The following CSNK1G1 variants were observed in gnomAD, a reference collection of about 807,000 sequenced individuals.
CSNK1G1 encodes the protein casein kinase I isoform gamma-1.
Under a neutral mutation model 59.6 loss-of-function variants are expected in CSNK1G1, and 22 were observed. The ratio of observed to expected loss-of-function variants is 0.37; its 90% CI spans 0.26 to 0.53. CSNK1G1 has a LOEUF of 0.53. CSNK1G1 is among the 20% of genes least tolerant of loss of function. The probability of loss-of-function intolerance (pLI) is 0.89; values close to 1 mark genes in which losing one functional copy is unlikely to be tolerated. For synonymous variants in CSNK1G1, 179 were observed against 177.1 expected (o/e 1.01, Z -0.08); for missense variants, 384 against 519.5 (o/e 0.74, Z 2.54).
chr15:64,303,215 T>C (rs1895459182), intron 1 of CSNK1G1, among the ~76,000 whole-genome samples: 1 of 143,308 alleles, frequency 7.0e-6, no homozygotes, highest in South Asian at 2.2e-4. Flanking sequence ...AACTCTAGCC[T>C]GGGCAACACA....
chr15:64,193,098 G>A (rs1405644186), intron 10 of CSNK1G1, among the ~76,000 whole-genome samples: 1 of 152,054 alleles, frequency 6.6e-6, no homozygotes, highest in Non-Finnish European at 1.5e-5. Context: ...GGTTAGCAAA[G>A]AGAATATACT....
At position 64,323,610 on chromosome 15, in the gene CSNK1G1, C is replaced by A. The variant is rs1055033292; in HGVS notation, c.-224-22887G>T. Among the ~76,000 whole-genome samples, 7 of 152,108 alleles carry A rather than the reference C, an allele frequency of 4.6e-5. No homozygotes were observed. The East Asian group carries it at 1.3e-3, about 29-fold the overall frequency. ...AAACTCCTGACCTCAGGTGATCCAC[C>A]CGCCTCGGCCTCCCAAAGTGCTGGG... On this transcript the variant is annotated intron_variant, in intron 1 of 11. Transcript: ENST00000303052.
At chr15:64,221,170 C>A (rs1031870845) in intron 4 of CSNK1G1, among the ~76,000 whole-genome samples, 3 of 152,174 alleles carry the variant, frequency 2.0e-5, no homozygotes, top group African/African-American at 7.2e-5. Context: ...GGTTAAATTG[C>A]AAATCTGGGC....
chr15:64,224,277 C>G (rs1410661522), intron 4 of CSNK1G1, among the ~76,000 whole-genome samples: 4 of 152,146 alleles, frequency 2.6e-5, no homozygotes, highest in Non-Finnish European at 5.9e-5. Flanking sequence ...CTACTAAATG[C>G]TCTGTAATGT....
chr15:64,304,757 C>G (rs1027928024), intron 1 of CSNK1G1, among the ~76,000 whole-genome samples: 1 of 152,102 alleles, frequency 6.6e-6, no homozygotes, highest in Admixed American at 6.6e-5. Context: ...AGTCAAAACA[C>G]CCTGGGTTTT....
chr15:64,258,946 C>A (rs1197503400), intron 3 of CSNK1G1, among the ~76,000 whole-genome samples: 2 of 151,894 alleles, frequency 1.3e-5, no homozygotes, highest in Non-Finnish European at 2.9e-5. Context: ...GTTCTTCCAG[C>A]TTTTTTTAAT....
intron 3 of CSNK1G1, among the ~76,000 whole-genome samples, chr15:64,256,951 T>C (rs926829402): frequency 1.3e-5 from 2 of 152,096 alleles, no homozygotes; most frequent in African/African-American, 2.4e-5. Flanking sequence ...AGCAGACAGC[T>C]ACCTTATAGG....
intron 4 of CSNK1G1, among the ~76,000 whole-genome samples, chr15:64,243,661 C>A (rs755622858): frequency 6.6e-6 from 1 of 152,054 alleles, no homozygotes; most frequent in Non-Finnish European, 1.5e-5. Flanking sequence ...AAAACTGCCA[C>A]CAAAAAAATT....
intron 7 of CSNK1G1, among the ~76,000 whole-genome samples, chr15:64,206,088 T>C (rs1165009121): frequency 3.3e-4 from 51 of 152,256 alleles, no homozygotes; most frequent in Non-Finnish European, 5.9e-5. Context: ...GGGTGATCAC[T>C]TGAGGTCAGG....
chr15:64,340,763 G>T (rs1473487232), intron 1 of CSNK1G1, among the ~76,000 whole-genome samples: 1 of 152,132 alleles, frequency 6.6e-6, no homozygotes, highest in Non-Finnish European at 1.5e-5. Flanking sequence ...AGACCAGACT[G>T]GGCAATATGG....
chr15:64,165,571 AGAC>A lies in CSNK1G1; in HGVS notation c.*6357_*6359del, dbSNP rs1177705968. ...TATTTTTGAAGTGACTCACAGGAGA[AGAC>A]AATATTTAATCCAAGGAATGAAACA... On this transcript the variant is annotated 3_prime_UTR_variant, in exon 12 of 12. Coordinates refer to ENST00000303052, the MANE Select transcript of CSNK1G1 (RefSeq NM_022048.5). 6.5e-6 allele frequency: 1 copy of A among 153,184 alleles called. No homozygotes were observed. The highest frequency in any genetic ancestry group is 1.5e-5 in the Non-Finnish European group (1 of 68,772). 9.5% of individuals were successfully genotyped at this position (153,184 alleles called of 1,614,324 possible).
intron 11 of CSNK1G1, among the ~76,000 whole-genome samples, chr15:64,179,006 C>T (rs2081776284): frequency 6.6e-6 from 1 of 152,010 alleles, no homozygotes; most frequent in Non-Finnish European, 1.5e-5. Flanking sequence ...CTGCCTCAGC[C>T]TCCCAAAGTG....
intron 11 of CSNK1G1, among the ~76,000 whole-genome samples, chr15:64,177,458 G>A (rs549777746): frequency 6.6e-6 from 1 of 152,266 alleles, no homozygotes; most frequent in South Asian, 2.1e-4. Context: ...ACAGTTCTCT[G>A]GGCAAGATGG....
chr15:64,202,970 T>C (rs2082126948), intron 10 of CSNK1G1, 112 bp downstream of exon 10: 2 of 800,388 alleles, frequency 2.5e-6, no homozygotes, highest in Non-Finnish European at 4.3e-6. Flanking sequence ...ATGGCAAGCA[T>C]TTGATCTTTA....
At chr15:64,259,051 C>G in intron 3 of CSNK1G1, 150 bp downstream of exon 3, 1 of 614,094 alleles carries the variant, frequency 1.6e-6, no homozygotes, top group Admixed American at 3.2e-5. Flanking sequence ...ACTGTTAACA[C>G]TATAAATGAA....
intron 2 of CSNK1G1, among the ~76,000 whole-genome samples, chr15:64,279,491 A>G (rs1596210077): frequency 6.6e-6 from 1 of 152,110 alleles, no homozygotes; most frequent in Admixed American, 6.6e-5. Context: ...ATGGTATTCC[A>G]TTGTATGAAT....
chr15:64,172,510 T>G (rs2081685530), intron 11 of CSNK1G1, among the ~76,000 whole-genome samples: 2 of 152,128 alleles, frequency 1.3e-5, no homozygotes, highest in South Asian at 4.2e-4. Flanking sequence ...GGATTAAGGA[T>G]TCTCTCCATC....
At chr15:64,237,035 A>G (rs1172508190) in intron 4 of CSNK1G1, among the ~76,000 whole-genome samples, 2 of 152,194 alleles carry the variant, frequency 1.3e-5, no homozygotes, top group Non-Finnish European at 2.9e-5. Flanking sequence ...CAGAAAGACA[A>G]ATACTGTATG....
intron 4 of CSNK1G1, among the ~76,000 whole-genome samples, chr15:64,232,256 A>T (rs897872661): frequency 3.9e-5 from 6 of 152,182 alleles, no homozygotes; most frequent in African/African-American, 1.4e-4. Flanking sequence ...ATTGTCACAA[A>T]TGTTAAAAAT....
Sources: gnomAD v4.1 joint callset for allele counts (sites outside exome capture counted in the v4.1 genomes callset) on GRCh38, gnomAD v4.1.1 for gene constraint, MANE v1.5 for transcripts, NCBI Gene and HGNC (gene_info 2026-07-23, HGNC 2026-07-21) for gene names.